GALNT17: variants seen among roughly 807,000 people sequenced by gnomAD.
The protein encoded by GALNT17 is polypeptide N-acetylgalactosaminyltransferase 17.
A neutral mutation model predicts 63.7 loss-of-function variants in GALNT17; 29 were observed. The ratio of observed to expected loss-of-function variants is 0.46; its 90% confidence interval spans 0.34 to 0.62. GALNT17 has a LOEUF of 0.62. Among genes scored for constraint, GALNT17 ranks in the 20% least tolerant of loss-of-function variants. The probability of loss-of-function intolerance (pLI) is 0.01; values close to 1 mark genes in which losing one functional copy is unlikely to be tolerated. For synonymous variants in GALNT17, 305 were observed against 318.3 expected (o/e 0.96, Z 0.45); for missense variants, 603 against 799.6 (o/e 0.75, Z 2.97).
At chr7:71,413,461 G>A (rs1793466074) in intron 3 of GALNT17, among the ~76,000 whole-genome samples, 1 of 151,908 alleles carries the variant, frequency 6.6e-6, no homozygotes, top group Admixed American at 6.6e-5. Flanking sequence ...CGCCTCCCAG[G>A]TTCAAGCAAT....
chr7:71,567,882 G>A lies in GALNT17; in HGVS notation c.963-3403G>A, dbSNP rs1789375459. On this transcript the variant is annotated intron_variant, in intron 5 of 10. Coordinates refer to ENST00000333538, the MANE Select transcript of GALNT17 (RefSeq NM_022479.3). ...GCTTGTGCCACCACTGAAGGTGAAT[G>A]AAGAGGCTCATCCACTGCTGCCTCA... 2.6e-5 allele frequency among the ~76,000 whole-genome samples: 4 copies of A among 152,346 alleles called. 1 individual carries two copies. The highest frequency in any genetic ancestry group is 2.1e-4 in the South Asian group (1 of 4,820).
chr7:71,307,889 T>C (rs912016084), intron 1 of GALNT17: 2 of 152,292 alleles, frequency 1.3e-5, no homozygotes, highest in African/African-American at 4.8e-5. Flanking sequence ...TTGTAAAGGT[T>C]ACTTCATTGG....
At chr7:71,367,185 T>C (rs1563038838) in intron 2 of GALNT17, among the ~76,000 whole-genome samples, 2 of 152,226 alleles carry the variant, frequency 1.3e-5, no homozygotes, top group Admixed American at 1.3e-4. Flanking sequence ...ACTGCCGTAA[T>C]CTTATCCATC....
Position 71,712,371 on chromosome 7 carries a change from T to G in GALNT17, c.*225T>G, listed in dbSNP as rs1369973824. 5 of 421,216 alleles carry G rather than the reference T, an allele frequency of 1.2e-5. No homozygotes were observed. The highest frequency in any genetic ancestry group is 5.2e-5 in the East Asian group (1 of 19,208). 26.1% of individuals were successfully genotyped at this position (421,216 alleles called of 1,614,324 possible). ...TGCACCCTGGAAAAGCCCCCCACCC[T>G]TCCTCTGGGAAACTGACAGCTGTCT... On this transcript the variant is annotated 3_prime_UTR_variant, in exon 11 of 11. Coordinates refer to ENST00000333538, the MANE Select transcript of GALNT17 (RefSeq NM_022479.3).
chr7:71,596,934 T>C (rs530206791), intron 6 of GALNT17, among the ~76,000 whole-genome samples: 1 of 152,050 alleles, frequency 6.6e-6, no homozygotes, highest in Admixed American at 6.6e-5. Flanking sequence ...ACACCTCTAA[T>C]TCCAGTGCTG....
chr7:71,271,487 C>T (rs150021163), intron 1 of GALNT17, among the ~76,000 whole-genome samples: 5 of 152,258 alleles, frequency 3.3e-5, no homozygotes, highest in African/African-American at 1.2e-4. Context: ...CCTTGGCTAA[C>T]GTGCCTAGGA....
intron 5 of GALNT17, among the ~76,000 whole-genome samples, chr7:71,528,967 T>G (rs1788671079): frequency 6.6e-6 from 1 of 152,024 alleles, no homozygotes; most frequent in Non-Finnish European, 1.5e-5. Flanking sequence ...AAAGCCCGTC[T>G]CTACTAAAAA....
intron 1 of GALNT17, among the ~76,000 whole-genome samples, chr7:71,208,888 G>A (rs1003410684): frequency 6.6e-6 from 1 of 152,166 alleles, no homozygotes. Flanking sequence ...AGGAAACAAA[G>A]AATTGATTTA....
chr7:71,542,597 G>A (rs1211516944), intron 5 of GALNT17, among the ~76,000 whole-genome samples: 2 of 151,148 alleles, frequency 1.3e-5, no homozygotes, highest in African/African-American at 4.9e-5. Context: ...TCTGGAGGCT[G>A]AGACAGGAGA....
At chr7:71,415,742 T>C in intron 3 of GALNT17, 147 bp from the exon 4 acceptor site, 2 of 859,938 alleles carry the variant, frequency 2.3e-6, no homozygotes, top group Non-Finnish European at 3.4e-6. Flanking sequence ...CCTAGACTGA[T>C]GAGATTTTCT....
chr7:71,432,675 C>T (rs1238317864), intron 5 of GALNT17, among the ~76,000 whole-genome samples: 1 of 152,118 alleles, frequency 6.6e-6, no homozygotes, highest in Non-Finnish European at 1.5e-5. Flanking sequence ...CATTAAAAAA[C>T]AGAAGAAAGA....
chr7:71,590,241 T>C (rs1403775331), intron 6 of GALNT17, among the ~76,000 whole-genome samples: 1 of 152,188 alleles, frequency 6.6e-6, no homozygotes, highest in Admixed American at 6.6e-5. Flanking sequence ...TAAGGGGAGA[T>C]AGATTTGCTC....
chr7:71,499,633 A>C (rs1162226933), intron 5 of GALNT17, among the ~76,000 whole-genome samples: 1 of 152,212 alleles, frequency 6.6e-6, no homozygotes, highest in African/African-American at 2.4e-5. Context: ...TGTGTTGCAA[A>C]GAAGACTGTT....
chr7:71,448,728 A>G (rs1787203907), intron 5 of GALNT17, among the ~76,000 whole-genome samples: 2 of 152,230 alleles, frequency 1.3e-5, no homozygotes, highest in African/African-American at 4.8e-5. Flanking sequence ...ATACAGGCGC[A>G]AAAGGATGCA....
At chr7:71,353,257 A>G (rs544470099) in intron 2 of GALNT17, among the ~76,000 whole-genome samples, 232 of 152,232 alleles carry the variant, frequency 1.5e-3, no homozygotes, top group Admixed American at 3.5e-3. Flanking sequence ...ATATATCTCC[A>G]TGTGTATATC....
intron 1 of GALNT17, among the ~76,000 whole-genome samples, chr7:71,203,122 T>A (rs528888471): frequency 6.6e-6 from 1 of 152,202 alleles, no homozygotes; most frequent in Non-Finnish European, 1.5e-5. Flanking sequence ...AGTGCTGATA[T>A]CTTTTCAACA....
chr7:71,608,083 G>A (rs554732905), intron 6 of GALNT17, among the ~76,000 whole-genome samples: 8 of 152,100 alleles, frequency 5.3e-5, no homozygotes, highest in Admixed American at 1.3e-4. Flanking sequence ...CCCATATTCT[G>A]TTTTCCCCAG....
chr7:71,462,202 C>T (rs922690255), intron 5 of GALNT17, among the ~76,000 whole-genome samples: 2 of 152,196 alleles, frequency 1.3e-5, no homozygotes, highest in African/African-American at 4.8e-5. Flanking sequence ...AGTGGAGAGC[C>T]TGAAATTCTG....
chr7:71,148,998 C>T (rs2116207576), intron 1 of GALNT17, among the ~76,000 whole-genome samples: 1 of 151,892 alleles, frequency 6.6e-6, no homozygotes, highest in East Asian at 1.9e-4. Context: ...GTGGCACCAT[C>T]ATAGCTCACT....
Sources: allele counts gnomAD v4.1 joint callset (sites outside exome capture counted in the v4.1 genomes callset), GRCh38; gene constraint gnomAD v4.1.1; transcripts MANE v1.5; gene names NCBI Gene and HGNC (gene_info 2026-07-23, HGNC 2026-07-21).